Variants in MAP2K3 observed in about 807,000 individuals in gnomAD.
MAP2K3 encodes the protein mitogen-activated protein kinase kinase 3.
In MAP2K3, 30 loss-of-function variants were observed where a neutral mutation model predicts 46.4. The observed-to-expected ratio is 0.65, with a 90% CI of 0.48 to 0.88. MAP2K3 has a LOEUF of 0.88. Ranked by LOEUF, MAP2K3 falls within the 40% of genes least tolerant of loss-of-function variation. MAP2K3 has a pLI of 0.00. For missense variants in MAP2K3, 380 were observed against 464.5 expected (o/e 0.82, Z 1.67); for synonymous variants, 189 against 176.3 (o/e 1.07, Z -0.57).
chr17:21,303,350 G>C (rs1024922753), intron 7 of MAP2K3, 116 bp downstream of exon 7: 2 of 1,427,076 alleles, frequency 1.4e-6, no homozygotes, highest in Non-Finnish European at 1.9e-6. Context: ...AGGTTGTGAC[G>C]TGCCCGATGG....
chr17:21,300,325 T>G, intron 3 of MAP2K3: 1 of 598,466 alleles, frequency 1.7e-6, no homozygotes, highest in Non-Finnish European at 3.0e-6. Flanking sequence ...ATAGCAGCCT[T>G]GGGGTGTTGG....
At position 21,314,457 on chromosome 17, in the gene MAP2K3, T is replaced by G; in HGVS notation, c.*227T>G. 1.8e-6 allele frequency: 1 copy of G among 561,804 alleles called. No individual in the cohort carries two copies. 34.8% of individuals were successfully genotyped at this position (561,804 alleles called of 1,614,324 possible). A position where few individuals can be genotyped will look rare whatever the true frequency, so the allele number is the denominator to read the frequency against. On this transcript the variant is annotated 3_prime_UTR_variant, in exon 12 of 12. Coordinates refer to ENST00000342679, the MANE Select transcript of MAP2K3 (RefSeq NM_145109.3). The stretch of plus-strand genomic sequence containing the variant: ...CCCTTGTCGGCCCCACCAGTGCCTC[T>G]CCCTGCTGCTCCTAGGACCCGTCTC...
chr17:21,284,843 C>A lies in MAP2K3; in HGVS notation c.-78C>A. On this transcript the variant is annotated 5_prime_UTR_variant, in exon 1 of 12. Transcript: ENST00000342679. ...CCTGGCCTGGGCCGTCTGCCCGCAG[C>A]CATGAGCGTGCTCGGCCCCGGTGGA... is the stretch of plus-strand genomic sequence containing the variant. 1 of 1,508,658 alleles carries A rather than the reference C, an allele frequency of 6.6e-7. No homozygotes were observed. The highest frequency in any genetic ancestry group is 9.0e-7 in the Non-Finnish European group (1 of 1,113,102). 93.5% of individuals were successfully genotyped at this position (1,508,658 alleles called of 1,614,324 possible). A position where few individuals can be genotyped will look rare whatever the true frequency, so the allele number is the denominator to read the frequency against.
chr17:21,304,657 C>T (rs1287463204), intron 8 of MAP2K3, 104 bp downstream of exon 8: 1 of 1,542,728 alleles, frequency 6.5e-7, no homozygotes, highest in Admixed American at 1.9e-5. Flanking sequence ...GGGGCAGAGC[C>T]TCCCCACACT....
At chr17:21,287,926 C>T (rs920181551) in intron 1 of MAP2K3, 1 of 831,462 alleles carries the variant, frequency 1.2e-6, no homozygotes, top group African/African-American at 1.7e-5. Flanking sequence ...CCCCCAACCC[C>T]TGGCTGTCGG....
At chr17:21,290,105 G>A (rs1007545478) in intron 1 of MAP2K3, among the ~76,000 whole-genome samples, 2 of 152,264 alleles carry the variant, frequency 1.3e-5, no homozygotes, top group African/African-American at 2.4e-5. Context: ...ACATGTGCCA[G>A]TGTGTGCGGT....
At chr17:21,308,469 G>A (rs1252079811) in intron 9 of MAP2K3, among the ~76,000 whole-genome samples, 1 of 152,306 alleles carries the variant, frequency 6.6e-6, no homozygotes, top group Admixed American at 6.5e-5. Context: ...CGCCTGGCCT[G>A]TGGCTGTAAC....
chr17:21,314,379 G>A lies in MAP2K3; in HGVS notation c.*149G>A, dbSNP rs1398318565. On this transcript the variant is annotated 3_prime_UTR_variant, in exon 12 of 12. Transcript: ENST00000342679. The stretch of plus-strand genomic sequence containing the variant: ...GGCTGCTCCCACCTGGCTCTGTGGC[G>A]AGCCATTTGTCCCAAGTGCCAAAGA... 7.0e-6 allele frequency: 5 copies of A among 717,612 alleles called. No homozygotes were observed. Among genetic ancestry groups the A allele is most frequent in the Admixed American group, 2.4e-5 (1 of 41,720 alleles). The allele number at this position is 717,612 out of a possible 1,614,324, so 44.5% of individuals were successfully genotyped here. A position where few individuals can be genotyped will look rare whatever the true frequency, so the allele number is the denominator to read the frequency against.
intron 6 of MAP2K3, among the ~76,000 whole-genome samples, chr17:21,302,519 C>G (rs1976665518): frequency 6.6e-6 from 1 of 152,312 alleles, no homozygotes. Flanking sequence ...GCCATTGATT[C>G]CAACTCTTGA....
chr17:21,302,286 G>T (rs1330146577), intron 6 of MAP2K3, 27 bp downstream of exon 6: 8 of 1,599,024 alleles, frequency 5.0e-6, no homozygotes, highest in South Asian at 2.2e-5. Flanking sequence ...GGCTGGCGGG[G>T]GGTCCTAGGT....
chr17:21,294,238 G>T (rs1475812231), intron 1 of MAP2K3, among the ~76,000 whole-genome samples: 2 of 83,606 alleles, frequency 2.4e-5, no homozygotes, highest in African/African-American at 8.9e-5. Context: ...AGCCCTTGTG[G>T]CTCCTTCCCT....
At chr17:21,312,111 C>T (rs768263661) in intron 9 of MAP2K3, 31 bp from the exon 10 acceptor site, 33 of 1,495,040 alleles carry the variant, frequency 2.2e-5, no homozygotes, top group Middle Eastern at 4.0e-4. Flanking sequence ...TATCTGGGGC[C>T]GGGGCCTCTG....
intron 1 of MAP2K3, chr17:21,295,782 A>C: frequency 1.6e-6 from 2 of 1,289,592 alleles, no homozygotes; most frequent in Non-Finnish European, 2.0e-6. Flanking sequence ...GGGGAAACTG[A>C]GGCTTGGTGA....
chr17:21,298,925 G>A lies in MAP2K3; in HGVS notation c.164G>A (p.Arg55Lys), dbSNP rs36047035. The change falls in exon 3 of 12, where the codon AGA (arginine) becomes AAA (lysine). Residue 55 changes from arginine (R) to lysine (K), a missense_variant and splice_region_variant. Physicochemically the swap from Arg to Lys is conservative, Grantham distance 26. Around this residue, in one of 5 missense-constraint regions of MAP2K3, gnomAD observed 294 missense variants for 275.4 expected, o/e 1.07. Coordinates refer to ENST00000342679, the MANE Select transcript of MAP2K3 (RefSeq NM_145109.3). ...DSRTFITIGD[R>K]NFEVEADDLV... ...CGGACCTTCATCACCATTGGAGACA[G>A]AGTAGGTGCCAGCCGCCACCCCTGC... 1 of 1,610,880 alleles carries A rather than the reference G, an allele frequency of 6.2e-7. No homozygotes were observed. The highest frequency in any genetic ancestry group is 8.5e-7 in the Non-Finnish European group (1 of 1,177,264).
intron 1 of MAP2K3, among the ~76,000 whole-genome samples, chr17:21,292,386 CTCA>C (rs1975991210): frequency 6.6e-6 from 1 of 151,434 alleles, no homozygotes; most frequent in African/African-American, 2.4e-5. Context: ...CCTTCTTCTT[CTCA>C]TTTTTTTTTT....
In MAP2K3 at chr17:21,284,755, G is replaced by GTCGCCGCCGCAGTCC. The variant is rs1188882331; in HGVS notation, c.-158_-144dup. 15 of 660,640 alleles carry GTCGCCGCCGCAGTCC rather than the reference G, an allele frequency of 2.3e-5. No individual in the cohort carries two copies. Among genetic ancestry groups the GTCGCCGCCGCAGTCC allele is most frequent in the Admixed American group, 4.3e-5 (1 of 23,346 alleles). 40.9% of individuals were successfully genotyped at this position (660,640 alleles called of 1,614,324 possible). A position where few individuals can be genotyped will look rare whatever the true frequency, so the allele number is the denominator to read the frequency against. On this transcript the variant is annotated 5_prime_UTR_variant, in exon 1 of 12. Coordinates refer to ENST00000342679, the MANE Select transcript of MAP2K3 (RefSeq NM_145109.3). ...CCGTCGCGGACTCGTCCTTGCTGCA[G>GTCGCCGCCGCAGTCC]TCGCCGCCGCAGTCCTCGCCGCAGT...
chr17:21,285,523 C>A (rs1382203777), intron 1 of MAP2K3, among the ~76,000 whole-genome samples: 1 of 152,156 alleles, frequency 6.6e-6, no homozygotes, highest in African/African-American at 2.4e-5. Context: ...AACTCCCCGT[C>A]CTTCTCTCCC....
intron 1 of MAP2K3, chr17:21,295,629 C>G: frequency 7.8e-7 from 1 of 1,288,684 alleles, no homozygotes; most frequent in Non-Finnish European, 1.0e-6. Flanking sequence ...GTGGCTTCCC[C>G]ATGGAGCCTG....
chr17:21,291,943 G>A (rs1975961659), intron 1 of MAP2K3, among the ~76,000 whole-genome samples: 3 of 152,312 alleles, frequency 2.0e-5, no homozygotes, highest in Admixed American at 2.0e-4. Context: ...GGAAACCGAG[G>A]CTTGCACAGA....
Sources: gnomAD v4.1 joint callset for allele counts (sites outside exome capture counted in the v4.1 genomes callset) on GRCh38, gnomAD v4.1.1 for gene constraint, gnomAD v4.1.1 regional missense constraint, MANE v1.5 for transcripts, NCBI Gene and HGNC (gene_info 2026-07-23, HGNC 2026-07-21) for gene names.